KAZN: variants seen among roughly 807,000 people sequenced by gnomAD.
The protein encoded by KAZN is kazrin, periplakin interacting protein.
KAZN carries 40 observed loss-of-function variants against 87.4 expected under a neutral mutation model. The ratio of observed to expected loss-of-function variants is 0.46; its 90% CI spans 0.36 to 0.60. The LOEUF is 0.60. Ranked by LOEUF, KAZN falls within the 20% of genes least tolerant of loss-of-function variation. The pLI is 0.00. For synonymous variants in KAZN, 466 were observed against 458.3 expected, an observed-to-expected ratio of 1.02 and a Z score of -0.22; for missense variants, 898 against 1,073.9, an observed-to-expected ratio of 0.84 and a Z score of 2.29.
chr1:14,465,729 C>T (rs1000364360), intron 2 of KAZN, among the ~76,000 whole-genome samples: 1 of 152,110 alleles, frequency 6.6e-6, no homozygotes, highest in African/African-American at 2.4e-5. Flanking sequence ...AGAATTTGTG[C>T]CAGCTTCACT....
chr1:13,939,032 C>T (rs553483894), intron 1 of KAZN, among the ~76,000 whole-genome samples: 1 of 152,230 alleles, frequency 6.6e-6, no homozygotes, highest in African/African-American at 2.4e-5. Context: ...GGTTGCCTTG[C>T]AGATCTTTGG....
chr1:14,492,698 T>C (rs1669725474), intron 2 of KAZN, among the ~76,000 whole-genome samples: 14 of 300 alleles, frequency 0.047, no homozygotes, highest in African/African-American at 0.048. Context: ...ACACCACACA[T>C]ACACAGCGCA....
intron 2 of KAZN, among the ~76,000 whole-genome samples, chr1:14,455,634 G>A (rs759641156): frequency 3.3e-5 from 5 of 152,178 alleles, no homozygotes; most frequent in African/African-American, 4.8e-5. Flanking sequence ...CCTGGCATGT[G>A]GTGTTCCAGA....
At chr1:14,338,838 C>T (rs1657472854) in intron 2 of KAZN, among the ~76,000 whole-genome samples, 3 of 152,196 alleles carry the variant, frequency 2.0e-5, no homozygotes, top group Admixed American at 2.0e-4. Context: ...CTGTCTAGCA[C>T]ACTTTTAATT....
At chr1:14,810,348 C>T (rs1321257775) in intron 1 of KAZN, among the ~76,000 whole-genome samples, 1 of 152,052 alleles carries the variant, frequency 6.6e-6, no homozygotes, top group African/African-American at 2.4e-5. Flanking sequence ...CTGGATTTCT[C>T]TTATTTTGTT....
chr1:14,043,714 G>C (rs1416765264), intron 1 of KAZN, among the ~76,000 whole-genome samples: 1 of 152,074 alleles, frequency 6.6e-6, no homozygotes, highest in Non-Finnish European at 1.5e-5. Flanking sequence ...GTGAAGTACT[G>C]TGCATGCGTT....
intron 1 of KAZN, among the ~76,000 whole-genome samples, chr1:14,741,271 G>T (rs1392677823): frequency 2.0e-5 from 3 of 152,230 alleles, no homozygotes; most frequent in African/African-American, 4.8e-5. Context: ...TGCCTCCCCA[G>T]CACCCAGCAC....
At chr1:13,953,350 A>G (rs1177460475) in intron 1 of KAZN, among the ~76,000 whole-genome samples, 2 of 152,198 alleles carry the variant, frequency 1.3e-5, no homozygotes, top group African/African-American at 4.8e-5. Context: ...TTCTGCACTA[A>G]GCCTGACTAC....
intron 1 of KAZN, among the ~76,000 whole-genome samples, chr1:14,796,116 G>A (rs1431814707): frequency 6.6e-6 from 1 of 152,050 alleles, no homozygotes; most frequent in Non-Finnish European, 1.5e-5. Context: ...CCCTCCAGTC[G>A]GACATGCTAG....
At chr1:14,395,157 AAG>A (rs1662789720) in intron 2 of KAZN, among the ~76,000 whole-genome samples, 1 of 151,860 alleles carries the variant, frequency 6.6e-6, no homozygotes, top group Non-Finnish European at 1.5e-5. Context: ...GAGAAGAAAA[AAG>A]AGGGAGTAAA....
At chr1:14,393,569 G>C (rs1188264433) in intron 2 of KAZN, among the ~76,000 whole-genome samples, 3 of 152,080 alleles carry the variant, frequency 2.0e-5, no homozygotes, top group Non-Finnish European at 4.4e-5. Flanking sequence ...CGAAGAGTTT[G>C]CCATAGTTGC....
At chr1:14,885,423 C>T (rs1355118641) in intron 1 of KAZN, among the ~76,000 whole-genome samples, 1 of 152,208 alleles carries the variant, frequency 6.6e-6, no homozygotes, top group Admixed American at 6.5e-5. Flanking sequence ...AGTGTCCCCA[C>T]TTCCCCAGGA....
chr1:14,003,211 G>T (rs939249039), intron 1 of KAZN, among the ~76,000 whole-genome samples: 2 of 151,828 alleles, frequency 1.3e-5, no homozygotes, highest in African/African-American at 4.8e-5. Flanking sequence ...TAGGGGGTCG[G>T]GGGCAAGAGG....
chr1:14,817,506 C>A (rs944470192), intron 1 of KAZN, among the ~76,000 whole-genome samples: 2 of 152,154 alleles, frequency 1.3e-5, no homozygotes, highest in African/African-American at 4.8e-5. Flanking sequence ...ATTACTATGG[C>A]CACCTTCTCA....
At chr1:14,686,147 C>T (rs1640938758) in intron 1 of KAZN, among the ~76,000 whole-genome samples, 1 of 152,192 alleles carries the variant, frequency 6.6e-6, no homozygotes, top group South Asian at 2.1e-4. Flanking sequence ...CAGCTCACTG[C>T]AACCTCCACC....
chr1:14,721,545 C>A (rs929277032), intron 1 of KAZN, among the ~76,000 whole-genome samples: 4 of 152,178 alleles, frequency 2.6e-5, no homozygotes, highest in Non-Finnish European at 2.9e-5. Context: ...TTGAAGGCAG[C>A]CTTGTTCGTG....
intron 1 of KAZN, among the ~76,000 whole-genome samples, chr1:14,739,696 T>C (rs1644026686): frequency 6.6e-6 from 1 of 151,814 alleles, no homozygotes; most frequent in South Asian, 2.1e-4. Context: ...AAGTTCAAAC[T>C]GGAGAACTAA....
intron 8 of KAZN, among the ~76,000 whole-genome samples, chr1:15,076,172 A>G (rs1243749845): frequency 1.3e-5 from 2 of 152,218 alleles, no homozygotes; most frequent in African/African-American, 2.4e-5. Flanking sequence ...ACTTGAGACA[A>G]GCCAGGAGGA....
intron 2 of KAZN, among the ~76,000 whole-genome samples, chr1:14,207,273 A>T (rs370415715): frequency 6.6e-6 from 1 of 151,930 alleles, no homozygotes; most frequent in African/African-American, 2.4e-5. Flanking sequence ...CCATTTTTAC[A>T]TCCTTTTTTA....
Sources: gnomAD v4.1 joint callset for allele counts (sites outside exome capture counted in the v4.1 genomes callset) on GRCh38, gnomAD v4.1.1 for gene constraint, MANE v1.5 for transcripts, NCBI Gene and HGNC (gene_info 2026-07-23, HGNC 2026-07-21) for gene names.